GNB1L: variants seen among roughly 807,000 people sequenced by gnomAD.
GNB1L encodes G protein subunit beta 1 like.
In GNB1L, 20 loss-of-function variants were observed where a neutral mutation model predicts 29.1. That is an observed-to-expected ratio of 0.69 (90% confidence interval 0.48 to 1.00). The LOEUF is 1.00. GNB1L is among the 50% of genes least tolerant of loss of function. The probability of loss-of-function intolerance (pLI) is 0.00; values close to 1 mark genes in which losing one functional copy is unlikely to be tolerated. For synonymous variants in GNB1L, 193 were observed against 206.5 expected (o/e 0.93, Z 0.56); for missense variants, 421 against 464.9 (o/e 0.91, Z 0.87).
chr22:19,825,659 AT>A (rs1268447800), intron 2 of GNB1L, among the ~76,000 whole-genome samples: 1 of 151,462 alleles, frequency 6.6e-6, no homozygotes, highest in Non-Finnish European at 1.5e-5. Context: ...TCTTTAAAAA[AT>A]TTTTTTAAAC....
chr22:19,836,636 AC>A (rs1471654614), intron 2 of GNB1L, among the ~76,000 whole-genome samples: 1 of 152,220 alleles, frequency 6.6e-6, no homozygotes, highest in Non-Finnish European at 1.5e-5. Context: ...AAATCCTCAA[AC>A]AAAATAATAT....
intron 4 of GNB1L, among the ~76,000 whole-genome samples, chr22:19,814,383 CTG>C (rs1937517471): frequency 1.3e-5 from 2 of 152,224 alleles, no homozygotes. Context: ...TCCTGAGTAG[CTG>C]TGACTACACT....
At position 19,812,272 on chromosome 22, in the gene GNB1L, G is replaced by A. The variant is rs2145875562; in HGVS notation, c.417+13C>T. On this transcript the variant is annotated intron_variant, in intron 5 of 7. Transcript: ENST00000329517. ...TTTGGAGAACATGGGGCCTCAGGCA[G>A]GCTGGCTCTCACCTCGTCGCTGCCC... 2 of 1,610,690 alleles carry A rather than the reference G, an allele frequency of 1.2e-6. No individual in the cohort carries two copies. The highest frequency in any genetic ancestry group is 2.2e-5 in the East Asian group (1 of 44,830).
At chr22:19,792,690 C>A in intron 7 of GNB1L, 1 of 1,454,404 alleles carries the variant, frequency 6.9e-7, no homozygotes, top group Non-Finnish European at 9.6e-7. Flanking sequence ...CACCAAGAGA[C>A]CACCTGTCCT....
intron 3 of GNB1L, 90 bp downstream of exon 3, chr22:19,821,138 G>C: frequency 7.5e-7 from 1 of 1,339,320 alleles, no homozygotes; most frequent in Non-Finnish European, 1.0e-6. Flanking sequence ...CCCTTGGCCA[G>C]CACCCTCAAA....
intron 2 of GNB1L, among the ~76,000 whole-genome samples, chr22:19,830,064 G>C (rs1280851396): frequency 6.6e-6 from 1 of 152,136 alleles, no homozygotes; most frequent in Non-Finnish European, 1.5e-5. Flanking sequence ...GTTGAGTATA[G>C]TGGTACACGC....
At chr22:19,827,102 G>T (rs551942993) in intron 2 of GNB1L, among the ~76,000 whole-genome samples, 7 of 152,140 alleles carry the variant, frequency 4.6e-5, no homozygotes, top group Non-Finnish European at 1.0e-4. Context: ...GGATCTTTGT[G>T]GGTAATCTGA....
intron 2 of GNB1L, chr22:19,852,079 G>A (rs774401095): frequency 1.2e-6 from 2 of 1,614,096 alleles, no homozygotes; most frequent in East Asian, 4.5e-5. Flanking sequence ...TCTGCTCCAT[G>A]GTCGTTCGCA....
At chr22:19,851,963 G>A (rs142553585) in intron 2 of GNB1L, 1 of 1,614,036 alleles carries the variant, frequency 6.2e-7, no homozygotes, top group African/African-American at 1.3e-5. Flanking sequence ...GTCTGAGCCT[G>A]GTACCCAGCA....
chr22:19,808,633 G>C (rs574213883), intron 5 of GNB1L, among the ~76,000 whole-genome samples: 3 of 152,242 alleles, frequency 2.0e-5, no homozygotes, highest in African/African-American at 7.2e-5. Flanking sequence ...GTGCCACTGA[G>C]CCTGGCACAG....
chr22:19,844,117 C>T (rs34530075), intron 2 of GNB1L, among the ~76,000 whole-genome samples: 7,413 of 152,298 alleles, frequency 0.049, 191 homozygotes, highest in Non-Finnish European at 0.062. Flanking sequence ...GGGCCCAGCA[C>T]GGTGCCTACA....
chr22:19,797,988 C>G (rs1403439847), intron 7 of GNB1L, among the ~76,000 whole-genome samples: 1 of 152,246 alleles, frequency 6.6e-6, no homozygotes, highest in Non-Finnish European at 1.5e-5. Flanking sequence ...CACACACAAG[C>G]AGCTGAATGT....
chr22:19,832,265 G>T (rs1484526510), intron 2 of GNB1L, among the ~76,000 whole-genome samples: 2 of 152,208 alleles, frequency 1.3e-5, no homozygotes, highest in East Asian at 3.8e-4. Flanking sequence ...AGGAGTTCAA[G>T]GCTGCAGCGA....
At chr22:19,811,774 C>T (rs1319007546) in intron 5 of GNB1L, among the ~76,000 whole-genome samples, 1 of 152,082 alleles carries the variant, frequency 6.6e-6, no homozygotes, top group African/African-American at 2.4e-5. Flanking sequence ...CCCATCCCAG[C>T]CCTGGTTGTG....
rs141974872 is a variant in GNB1L, at chr22:19,804,034, C to T, written c.517-1818G>A. On this transcript the variant is annotated intron_variant, in intron 6 of 7. Coordinates refer to ENST00000329517, the MANE Select transcript of GNB1L (RefSeq NM_053004.3). ...CTGTGTGTGTGACTGACCCGCCTGT[C>T]GTGGTGCCACAGGGTGGCTGGAGCA... is the stretch of plus-strand genomic sequence containing the variant. Among the ~76,000 whole-genome samples, 830 of 152,370 alleles carry T rather than the reference C, an allele frequency of 5.4e-3. 7 individuals are homozygous for T. Among genetic ancestry groups the T allele is most frequent in the Non-Finnish European group, 8.8e-3 (597 of 68,032 alleles).
chr22:19,848,345 C>T lies in GNB1L; in HGVS notation c.-21+6098G>A, dbSNP rs954312129. Reference sequence around the variant, plus strand: ...CTGCAGCTCCTGAGCACCCTGCCTTCGGGTCTGCCAGTGTGTGGGGGCCAG... The same window carrying T: ...CTGCAGCTCCTGAGCACCCTGCCTTTGGGTCTGCCAGTGTGTGGGGGCCAG... On this transcript the variant is annotated intron_variant, in intron 2 of 7. Transcript: ENST00000329517. 21 of 985,370 alleles carry T rather than the reference C, an allele frequency of 2.1e-5. 1 individual carries two copies. The South Asian group carries it at 3.3e-4, about 15-fold the overall frequency. The allele number at this position is 985,370 out of a possible 1,614,324, so 61.0% of individuals were successfully genotyped here.
At chr22:19,820,823 G>T in intron 3 of GNB1L, 100 bp from the exon 4 acceptor site, 8 of 1,379,860 alleles carry the variant, frequency 5.8e-6, no homozygotes, top group Non-Finnish European at 7.9e-6. Flanking sequence ...GGGCATCTAG[G>T]CTGGTTGAGC....
intron 2 of GNB1L, among the ~76,000 whole-genome samples, chr22:19,824,627 G>A (rs374194512): frequency 2.6e-5 from 4 of 152,324 alleles, no homozygotes; most frequent in East Asian, 3.9e-4. Context: ...ATGCACCACC[G>A]CGGAGGCAGC....
chr22:19,839,519 G>C (rs1431926127), intron 2 of GNB1L, among the ~76,000 whole-genome samples: 1 of 152,146 alleles, frequency 6.6e-6, no homozygotes, highest in Admixed American at 6.5e-5. Context: ...CAAGGCAGGA[G>C]GATCACTGAG....
Sources: allele counts gnomAD v4.1 joint callset (sites outside exome capture counted in the v4.1 genomes callset), GRCh38; gene constraint gnomAD v4.1.1; transcripts MANE v1.5; gene names NCBI Gene and HGNC (gene_info 2026-07-23, HGNC 2026-07-21).